The following FNBP1 variants were observed in gnomAD, a reference collection of about 807,000 sequenced individuals.
FNBP1 encodes the protein formin-binding protein 1.
FNBP1 carries 26 observed loss-of-function variants against 90.6 expected under a neutral mutation model. That is an observed-to-expected ratio of 0.29 (90% CI 0.21 to 0.40). The LOEUF (loss-of-function observed/expected upper bound fraction) is 0.40, where lower values mean the gene tolerates loss of function less well. FNBP1 is among the 10% of genes least tolerant of loss of function. FNBP1 has a pLI of 1.00. For synonymous variants in FNBP1, 260 were observed against 265.2 expected (o/e 0.98, Z 0.19); for missense variants, 635 against 768.0 (o/e 0.83, Z 2.05).
chr9:130,037,044 CA>C (rs34633401), intron 1 of FNBP1, among the ~76,000 whole-genome samples: 66 of 129,052 alleles, frequency 5.1e-4, no homozygotes, highest in Admixed American at 6.4e-4. Flanking sequence ...GACTCCATCT[CA>C]AAAAAAAAAA....
chr9:129,957,255 C>A lies in FNBP1; in HGVS notation c.513+105G>T. The stretch of plus-strand genomic sequence containing the variant: ...GTTTCACCATCTTGGCCAGGCTGGT[C>A]TCGAACTCCTGGCCTCAGGTGATCC... On this transcript the variant is annotated intron_variant, in intron 6 of 16. Transcript: ENST00000446176. The surrounding 1 kb of genome is among the most constrained non-coding windows in gnomAD (Gnocchi z 4.3). 1.3e-6 allele frequency: 1 copy of A among 765,356 alleles called. No individual in the cohort carries two copies. The highest frequency in any genetic ancestry group is 1.6e-5 in the South Asian group (1 of 63,004). The allele number at this position is 765,356 out of a possible 1,614,324, so 47.4% of individuals were successfully genotyped here. A position where few individuals can be genotyped will look rare whatever the true frequency, so the allele number is the denominator to read the frequency against.
chr9:129,942,122 A>C lies in FNBP1; in HGVS notation c.514-12427T>G, dbSNP rs111680082. Among the ~76,000 whole-genome samples the C allele has an allele frequency of 8.6e-3, 1,312 of 152,276 alleles. 18 individuals are homozygous for C. Among genetic ancestry groups the C allele is most frequent in the African/African-American group, 0.03 (1,255 of 41,578 alleles). ...ACAAATGAAATGTTTAGAGAAAACA[A>C]TTGTCAACCTAGAATTCTATATCTA... On this transcript the variant is annotated intron_variant, in intron 6 of 16. Coordinates refer to ENST00000446176, the MANE Select transcript of FNBP1 (RefSeq NM_015033.3).
chr9:129,966,043 C>T lies in FNBP1; in HGVS notation c.346-7490G>A, dbSNP rs1564454770. Among the ~76,000 whole-genome samples the T allele has an allele frequency of 6.6e-6, 1 of 152,160 alleles. No homozygotes were observed. On this transcript the variant is annotated intron_variant, in intron 4 of 16. Coordinates refer to ENST00000446176, the MANE Select transcript of FNBP1 (RefSeq NM_015033.3). This position sits in a 1 kb window ranked among gnomAD's most constrained non-coding sequence, Gnocchi z 4.3. ...ACATGCCCACTTGTGAACAGGGCTG[C>T]TCCAGGCACGAGGAAAGCTGTGTAA...
In FNBP1 at chr9:129,966,989, G is replaced by A. The variant is rs2048726482; in HGVS notation, c.346-8436C>T. Among the ~76,000 whole-genome samples the A allele has an allele frequency of 6.6e-6, 1 of 152,198 alleles. No individual in the cohort carries two copies. Among genetic ancestry groups the A allele is most frequent in the Non-Finnish European group, 1.5e-5 (1 of 68,036 alleles). ...TGAGAGATAATGAGGCACAGGACTG[G>A]GGTAGATGTGGAAGAGGGGTGAGAA... On this transcript the variant is annotated intron_variant, in intron 4 of 16. Coordinates refer to ENST00000446176, the MANE Select transcript of FNBP1 (RefSeq NM_015033.3). This position sits in a 1 kb window ranked among gnomAD's most constrained non-coding sequence, Gnocchi z 4.3.
Position 129,890,490 on chromosome 9 carries a change from ACGGAGG to A in FNBP1, c.*43_*48del. On this transcript the variant is annotated 3_prime_UTR_variant, in exon 17 of 17. Coordinates refer to ENST00000446176, the MANE Select transcript of FNBP1 (RefSeq NM_015033.3). This position sits in a 1 kb window ranked among gnomAD's most constrained non-coding sequence, Gnocchi z 5.8. ...GCTGGAGGCCTGTGGGAACAAGCAGACGGAGGCTCCTCCAGGAAGGCTCACCCGAGG... is the reference window on the plus strand; with the variant it reads ...GCTGGAGGCCTGTGGGAACAAGCAGACTCCTCCAGGAAGGCTCACCCGAGG... The A allele has an allele frequency of 1.3e-6, 2 of 1,543,208 alleles. No individual in the cohort carries two copies. The highest frequency in any genetic ancestry group is 1.8e-6 in the Non-Finnish European group (2 of 1,132,336).
At position 129,966,623 on chromosome 9, in the gene FNBP1, T is replaced by C. The variant is rs2048681475; in HGVS notation, c.346-8070A>G. Among the ~76,000 whole-genome samples the C allele has an allele frequency of 6.6e-6, 1 of 151,964 alleles. No individual in the cohort carries two copies. On this transcript the variant is annotated intron_variant, in intron 4 of 16. Transcript: ENST00000446176. This position sits in a 1 kb window ranked among gnomAD's most constrained non-coding sequence, Gnocchi z 4.3. Reference sequence around the variant, plus strand: ...GGCACACACCTGTAATCCCAGCTACTTGGGAGGCTGAGGCAGGAGAATTGC... The same window carrying C: ...GGCACACACCTGTAATCCCAGCTACCTGGGAGGCTGAGGCAGGAGAATTGC...
Position 129,890,444 on chromosome 9 carries a change from G to A in FNBP1, c.*95C>T, listed in dbSNP as rs2034992480. ...CGCAGGGATGGGGCTGCGGAGGGGT[G>A]GGCTGTCCACAGGGCAGGGCGCTGG... On this transcript the variant is annotated 3_prime_UTR_variant, in exon 17 of 17. Coordinates refer to ENST00000446176, the MANE Select transcript of FNBP1 (RefSeq NM_015033.3). The surrounding 1 kb of genome is among the most constrained non-coding windows in gnomAD (Gnocchi z 5.8). 1 of 988,966 alleles carries A rather than the reference G, an allele frequency of 1.0e-6. No homozygotes were observed. The allele number at this position is 988,966 out of a possible 1,614,324, so 61.3% of individuals were successfully genotyped here.
In FNBP1 at chr9:129,966,030, G is replaced by A. The variant is rs571809130; in HGVS notation, c.346-7477C>T. On this transcript the variant is annotated intron_variant, in intron 4 of 16. Transcript: ENST00000446176. This position sits in a 1 kb window ranked among gnomAD's most constrained non-coding sequence, Gnocchi z 4.3. ...CCCATGCTCACTGACATGCCCACTTGTGAACAGGGCTGCTCCAGGCACGAG... is the reference window on the plus strand; with the variant it reads ...CCCATGCTCACTGACATGCCCACTTATGAACAGGGCTGCTCCAGGCACGAG... Among the ~76,000 whole-genome samples the A allele has an allele frequency of 6.6e-6, 1 of 152,270 alleles. No individual in the cohort carries two copies. The highest frequency in any genetic ancestry group is 2.4e-5 in the African/African-American group (1 of 41,552).
chr9:129,938,712 C>T (rs1312022776), intron 6 of FNBP1, among the ~76,000 whole-genome samples: 1 of 152,066 alleles, frequency 6.6e-6, no homozygotes, highest in African/African-American at 2.4e-5. Context: ...CTTCTGTTTC[C>T]CTATGCTCTG....
chr9:129,957,318 G>T lies in FNBP1; in HGVS notation c.513+42C>A, dbSNP rs377285781. The T allele has an allele frequency of 1.1e-5, 16 of 1,415,558 alleles. No homozygotes were observed. The African/African-American group carries it at 2.0e-4, about 17-fold the overall frequency. 87.7% of individuals were successfully genotyped at this position (1,415,558 alleles called of 1,614,324 possible). A position where few individuals can be genotyped will look rare whatever the true frequency, so the allele number is the denominator to read the frequency against. On this transcript the variant is annotated intron_variant, in intron 6 of 16. Transcript: ENST00000446176. This position sits in a 1 kb window ranked among gnomAD's most constrained non-coding sequence, Gnocchi z 4.3. The stretch of plus-strand genomic sequence containing the variant: ...CTCCCAAAGTGCTGGGATTACAGGC[G>T]TGAGCCACCGTGCCCGGCCCACACT...
At chr9:129,960,955 T>C (rs1167085510) in intron 4 of FNBP1, among the ~76,000 whole-genome samples, 1 of 152,036 alleles carries the variant, frequency 6.6e-6, no homozygotes, top group Non-Finnish European at 1.5e-5. Flanking sequence ...GAAGTGGGTC[T>C]GAGGAGGAAG....
At chr9:129,967,117 T>G (rs187978379) in intron 4 of FNBP1, among the ~76,000 whole-genome samples, 35 of 152,338 alleles carry the variant, frequency 2.3e-4, no homozygotes, top group Admixed American at 1.0e-3. Context: ...GGTGACTATG[T>G]GTTTGGCCAG....
At chr9:129,922,060 TAA>T (rs76654387) in intron 10 of FNBP1, among the ~76,000 whole-genome samples, 28 of 144,934 alleles carry the variant, frequency 1.9e-4, no homozygotes, top group Non-Finnish European at 1.8e-4. Context: ...GGGTAGGATT[TAA>T]AAAAAAAAAA....
chr9:129,908,895 A>T lies in FNBP1; in HGVS notation c.1290T>A (p.Asp430Glu). The change falls in exon 12 of 17, where the codon GAT becomes GAA. Residue 430 changes from aspartate (D) to glutamate (E), a missense_variant. By Grantham distance (45) the Asp-to-Glu change is conservative. Transcript: ENST00000446176. ...ELNKEIQKEM[D>E]QRDAITKMKD... ...GTCATATTGATGCACTATACCTTTG[A>T]TCCATCTCCTTCTGAATTTCTTTAT... 6.3e-7 allele frequency: 1 copy of T among 1,598,666 alleles called. No individual in the cohort carries two copies. The highest frequency in any genetic ancestry group is 8.6e-7 in the Non-Finnish European group (1 of 1,167,020).
intron 1 of FNBP1, among the ~76,000 whole-genome samples, chr9:130,027,436 T>C (rs1387204142): frequency 1.3e-5 from 2 of 152,206 alleles, no homozygotes; most frequent in African/African-American, 4.8e-5. Context: ...TCATTTTATC[T>C]TTAAACTAGA....
rs1210911189 is a variant in FNBP1 at position 130,042,154 on chromosome 9, G to A, written c.24+798C>T. On this transcript the variant is annotated intron_variant, in intron 1 of 16. Coordinates refer to ENST00000446176, the MANE Select transcript of FNBP1 (RefSeq NM_015033.3). This position sits in a 1 kb window ranked among gnomAD's most constrained non-coding sequence, Gnocchi z 5.5. ...CCTGAGGGCTGCCCGTTTACCGTGC[G>A]CATCCCCCGGCCAAGCATCCCCGCA... Among the ~76,000 whole-genome samples, 2 of 151,980 alleles carry A rather than the reference G, an allele frequency of 1.3e-5. No individual in the cohort carries two copies. The highest frequency in any genetic ancestry group is 2.9e-5 in the Non-Finnish European group (2 of 67,996).
At chr9:129,939,969 C>T (rs567846909) in intron 6 of FNBP1, among the ~76,000 whole-genome samples, 5 of 152,004 alleles carry the variant, frequency 3.3e-5, no homozygotes, top group South Asian at 2.1e-4. Context: ...AGGAGGCTGA[C>T]GTGGGAGGAT....
At position 129,958,494 on chromosome 9, in the gene FNBP1, T is replaced by C. The variant is rs759366022; in HGVS notation, c.405A>G (p.Glu135=). Residue 135 remains glutamate, a synonymous_variant, in exon 5 of 17, where the codon GAA becomes GAG. Transcript: ENST00000446176. The part of the protein sequence containing the change: ...QHIETCWKQL[E]SSKRRFERDC... The stretch of plus-strand genomic sequence containing the variant: ...TTGCTGTGCATTGTTCACTTACAGA[T>C]TCAAGCTGCTTCCAGCAAGTCTCGA... 4 of 1,593,784 alleles carry C rather than the reference T, an allele frequency of 2.5e-6. No individual in the cohort carries two copies. The highest frequency in any genetic ancestry group is 2.3e-5 in the South Asian group (2 of 88,080).
intron 2 of FNBP1, among the ~76,000 whole-genome samples, chr9:129,994,409 G>T (rs1007283692): frequency 2.0e-5 from 3 of 151,968 alleles, no homozygotes; most frequent in Admixed American, 2.0e-4. Flanking sequence ...CCGCTGGGGG[G>T]AGAGTGGGGA....
Sources: allele counts gnomAD v4.1 joint callset (sites outside exome capture counted in the v4.1 genomes callset), GRCh38; gene constraint gnomAD v4.1.1; non-coding constraint Gnocchi (gnomAD v3.1); transcripts MANE v1.5; gene names NCBI Gene and HGNC (gene_info 2026-07-23, HGNC 2026-07-21).